CAMK1D: variants seen among roughly 807,000 people sequenced by gnomAD.
CAMK1D encodes calcium/calmodulin-dependent protein kinase type 1D.
In CAMK1D, 9 loss-of-function variants were observed where a neutral mutation model predicts 47.7. The ratio of observed to expected loss-of-function variants is 0.19; its 90% CI spans 0.11 to 0.33. The LOEUF (loss-of-function observed/expected upper bound fraction) is 0.33, where lower values mean the gene tolerates loss of function less well. Among genes scored for constraint, CAMK1D ranks in the 10% least tolerant of loss-of-function variants. The pLI, the probability that CAMK1D is intolerant of heterozygous loss-of-function variation, is 1.00. For missense variants in CAMK1D, 291 were observed against 488.7 expected (o/e 0.60, Z 3.81); for synonymous variants, 184 against 184.9 (o/e 0.99, Z 0.04).
intron 3 of CAMK1D, among the ~76,000 whole-genome samples, chr10:12,694,971 T>A (rs1261646866): frequency 6.6e-6 from 1 of 151,906 alleles, no homozygotes; most frequent in Admixed American, 6.6e-5. Flanking sequence ...AGTAAGTAAA[T>A]AAATAAATAA....
At chr10:12,461,486 C>T (rs1588510794) in intron 1 of CAMK1D, among the ~76,000 whole-genome samples, 1 of 151,932 alleles carries the variant, frequency 6.6e-6, no homozygotes, top group South Asian at 2.1e-4. Context: ...GTTAAGAGAT[C>T]GAGACTATCT....
intron 2 of CAMK1D, among the ~76,000 whole-genome samples, chr10:12,651,647 C>T (rs901175136): frequency 6.6e-6 from 1 of 152,128 alleles, no homozygotes; most frequent in Non-Finnish European, 1.5e-5. Flanking sequence ...AGTGATCCTC[C>T]CGCCTTGGCC....
intron 1 of CAMK1D, among the ~76,000 whole-genome samples, chr10:12,363,477 A>G (rs1837740509): frequency 6.6e-6 from 1 of 150,630 alleles, no homozygotes. Flanking sequence ...CTGGTCTCAA[A>G]CTCCTGACCT....
At chr10:12,600,765 C>T (rs1197636429) in intron 2 of CAMK1D, among the ~76,000 whole-genome samples, 1 of 152,204 alleles carries the variant, frequency 6.6e-6, no homozygotes, top group African/African-American at 2.4e-5. Flanking sequence ...TTTCTCCTCC[C>T]TCATGCCCTC....
At chr10:12,455,598 G>GT in intron 1 of CAMK1D, among the ~76,000 whole-genome samples, 1 of 152,268 alleles carries the variant, frequency 6.6e-6, no homozygotes, top group Non-Finnish European at 1.5e-5. Flanking sequence ...AAAGTTGTTC[G>GT]TTTTTTCCCC....
intron 1 of CAMK1D, among the ~76,000 whole-genome samples, chr10:12,512,841 C>T (rs986911983): frequency 2.0e-5 from 3 of 152,212 alleles, no homozygotes; most frequent in African/African-American, 7.2e-5. Context: ...TGTTCTGAGA[C>T]TGCAACAGGG....
chr10:12,446,476 G>T (rs1222783226), intron 1 of CAMK1D, among the ~76,000 whole-genome samples: 1 of 152,162 alleles, frequency 6.6e-6, no homozygotes, highest in Admixed American at 6.5e-5. Flanking sequence ...CTTCTTTACC[G>T]CAGCCTGTTT....
chr10:12,404,662 T>G (rs1481402746), intron 1 of CAMK1D, among the ~76,000 whole-genome samples: 1 of 152,050 alleles, frequency 6.6e-6, no homozygotes, highest in African/African-American at 2.4e-5. Context: ...CCTTAGATTT[T>G]AATCCGTAAT....
At chr10:12,819,469 C>A (rs1421880235) in intron 8 of CAMK1D, among the ~76,000 whole-genome samples, 1 of 152,204 alleles carries the variant, frequency 6.6e-6, no homozygotes, top group Non-Finnish European at 1.5e-5. Flanking sequence ...CCTGGCTTCA[C>A]CACTCACTGC....
At chr10:12,505,268 C>T (rs541386706) in intron 1 of CAMK1D, among the ~76,000 whole-genome samples, 1 of 152,312 alleles carries the variant, frequency 6.6e-6, no homozygotes, top group East Asian at 1.9e-4. Flanking sequence ...TCCTGGGAGT[C>T]TTCAAGAATT....
intron 1 of CAMK1D, among the ~76,000 whole-genome samples, chr10:12,352,455 C>A (rs112415281): frequency 0.017 from 2,595 of 151,658 alleles, 67 homozygotes; most frequent in African/African-American, 0.058. Context: ...CTAACAATAA[C>A]AAAATTAGCC....
chr10:12,379,175 G>A (rs1238506071), intron 1 of CAMK1D, among the ~76,000 whole-genome samples: 2 of 152,070 alleles, frequency 1.3e-5, no homozygotes, highest in South Asian at 2.1e-4. Flanking sequence ...AAATTTGAGG[G>A]GTTCCTAAAA....
chr10:12,821,229 C>A (rs1188363936), intron 8 of CAMK1D, among the ~76,000 whole-genome samples: 1 of 152,230 alleles, frequency 6.6e-6, no homozygotes, highest in Non-Finnish European at 1.5e-5. Flanking sequence ...GGCATGGACT[C>A]TAGTCGGTTT....
chr10:12,418,468 C>T (rs570558672), intron 1 of CAMK1D, among the ~76,000 whole-genome samples: 2 of 152,220 alleles, frequency 1.3e-5, no homozygotes, highest in East Asian at 3.9e-4. Flanking sequence ...ATTAGCTGGG[C>T]ACCGTGGCAT....
intron 2 of CAMK1D, among the ~76,000 whole-genome samples, chr10:12,588,986 T>C (rs1011665389): frequency 2.6e-5 from 4 of 152,020 alleles, no homozygotes; most frequent in African/African-American, 7.2e-5. Context: ...TACATACATA[T>C]ATATAAAGGG....
intron 1 of CAMK1D, among the ~76,000 whole-genome samples, chr10:12,445,953 A>G (rs1446120348): frequency 6.6e-6 from 1 of 152,230 alleles, no homozygotes; most frequent in South Asian, 2.1e-4. Context: ...ATTTTGAAAA[A>G]GAATGAAAAG....
chr10:12,481,351 A>G (rs918675652), intron 1 of CAMK1D, among the ~76,000 whole-genome samples: 2 of 151,978 alleles, frequency 1.3e-5, no homozygotes, highest in Non-Finnish European at 1.5e-5. Context: ...CACCAGGACC[A>G]TTTTCCAAAC....
At chr10:12,448,080 C>T (rs1411805270) in intron 1 of CAMK1D, among the ~76,000 whole-genome samples, 1 of 152,138 alleles carries the variant, frequency 6.6e-6, no homozygotes, top group East Asian at 1.9e-4. Flanking sequence ...TCTCGAACTC[C>T]TGACCTTAAG....
At chr10:12,502,930 A>G (rs187750725) in intron 1 of CAMK1D, among the ~76,000 whole-genome samples, 2 of 152,310 alleles carry the variant, frequency 1.3e-5, no homozygotes, top group East Asian at 3.9e-4. Context: ...TGCCTTCGCA[A>G]TGGTGGCGTC....
Sources: allele counts gnomAD v4.1 joint callset (sites outside exome capture counted in the v4.1 genomes callset), GRCh38; gene constraint gnomAD v4.1.1; transcripts MANE v1.5; gene names NCBI Gene and HGNC (gene_info 2026-07-23, HGNC 2026-07-21).